NCAPD3: variants seen among roughly 807,000 people sequenced by gnomAD.
NCAPD3 encodes condensin-2 complex subunit D3.
In NCAPD3, 105 loss-of-function variants were observed where a neutral mutation model predicts 182.9. That is an observed-to-expected ratio of 0.57 (90% CI 0.49 to 0.68). The LOEUF (loss-of-function observed/expected upper bound fraction) is 0.68. NCAPD3 is among the 30% of genes least tolerant of loss of function. The pLI is 0.00. For synonymous variants in NCAPD3, 815 were observed against 679.9 expected, an observed-to-expected ratio of 1.20 and a Z score of -3.09; for missense variants, 1,944 against 1,837.0, an observed-to-expected ratio of 1.06 and a Z score of -1.07.
At chr11:134,166,941 G>A (rs1375375345) in intron 27 of NCAPD3, among the ~76,000 whole-genome samples, 1 of 122,474 alleles carries the variant, frequency 8.2e-6, no homozygotes, top group Non-Finnish European at 1.7e-5. Flanking sequence ...TAGGGGAGCT[G>A]CACACTCACT....
intron 32 of NCAPD3, among the ~76,000 whole-genome samples, chr11:134,155,659 C>T (rs1334491507): frequency 1.3e-5 from 2 of 152,154 alleles, no homozygotes; most frequent in Admixed American, 6.5e-5. Context: ...ATGAGCACAA[C>T]GAAAATGAGA....
chr11:134,220,749 G>A, intron 1 of NCAPD3, 23 bp from the exon 2 acceptor site: 2 of 1,596,306 alleles, frequency 1.3e-6, no homozygotes, highest in South Asian at 1.1e-5. Flanking sequence ...GCAATGAAAT[G>A]TGTAAGTACT....
upstream of NCAPD3, chr11:134,224,713 G>A (rs1372407429): frequency 6.6e-6 from 1 of 152,018 alleles, no homozygotes; most frequent in Non-Finnish European, 1.5e-5. Context: ...GCCGGAGGCT[G>A]GGCAGCTCGC....
chr11:134,192,965 T>A (rs1279364066), intron 15 of NCAPD3, 56 bp from the exon 16 acceptor site: 1 of 997,380 alleles, frequency 1.0e-6, no homozygotes, highest in Non-Finnish European at 1.6e-6. Context: ...AGGGAAGTTG[T>A]GATCAACATT....
intron 13 of NCAPD3, among the ~76,000 whole-genome samples, chr11:134,199,933 G>C (rs1240037553): frequency 6.6e-6 from 1 of 152,116 alleles, no homozygotes; most frequent in Non-Finnish European, 1.5e-5. Flanking sequence ...ACACAAATAA[G>C]CTCATGAGCT....
chr11:134,207,742 C>CAAA (rs34965902), intron 7 of NCAPD3, among the ~76,000 whole-genome samples: 72 of 62,034 alleles, frequency 1.2e-3, no homozygotes, highest in African/African-American at 1.9e-3. Flanking sequence ...GACTGCGTCT[C>CAAA]AAAAAAAAAA....
At chr11:134,208,561 A>G (rs981111036) in intron 7 of NCAPD3, among the ~76,000 whole-genome samples, 15 of 152,244 alleles carry the variant, frequency 9.9e-5, no homozygotes, top group African/African-American at 3.6e-4. Flanking sequence ...CTGTTCCTAT[A>G]GAAGTAACTG....
intron 22 of NCAPD3, chr11:134,178,401 C>A: frequency 2.8e-6 from 1 of 363,476 alleles, no homozygotes; most frequent in Non-Finnish European, 4.9e-6. Context: ...TCCCTCTAGA[C>A]CCTCTAGAGA....
In NCAPD3 at chr11:134,210,416, C is replaced by T. The variant is rs968838629; in HGVS notation, c.421G>A (p.Asp141Asn). The change falls in exon 4 of 35, where the codon GAC becomes AAC. Residue 141 changes from aspartate (D) to asparagine (N), a missense_variant. Transcript: ENST00000534548. ...TTCTTTAGAGTCTGAATGCATTTGTCAAACATCACTGGGTGGAATACTTGA... is the reference window on the plus strand; with the variant it reads ...TTCTTTAGAGTCTGAATGCATTTGTTAAACATCACTGGGTGGAATACTTGA... ...ANQVFHPVMF[D>N]KCIQTLKKSW... The T allele has an allele frequency of 6.2e-6, 10 of 1,614,020 alleles. No individual in the cohort carries two copies. The African/African-American group carries it at 1.3e-4, about 22-fold the overall frequency.
rs1286102479 is a variant in NCAPD3, at chr11:134,213,182, GTAA to G, written c.383-2731_383-2729del. ...CCTGTCTCTACAAAAATAAAATAAA[GTAA>G]TAATAATTAGCTTGTCATGGTGACT... On this transcript the variant is annotated intron_variant, in intron 3 of 34. Transcript: ENST00000534548. 5.9e-5 allele frequency among the ~76,000 whole-genome samples: 9 copies of G among 152,056 alleles called. No homozygotes were observed. In the East Asian group the frequency reaches 1.7e-3, roughly 29 times the overall value.
intron 17 of NCAPD3, 76 bp from the exon 18 acceptor site, chr11:134,185,076 TTAA>T (rs1384099719): frequency 1.6e-4 from 189 of 1,192,982 alleles, no homozygotes; most frequent in Non-Finnish European, 2.3e-4. Context: ...TTCTTCTGGA[TTAA>T]TAACACTGGA....
At chr11:134,165,050 CTT>C (rs1270465720) in intron 27 of NCAPD3, among the ~76,000 whole-genome samples, 1 of 145,834 alleles carries the variant, frequency 6.9e-6, no homozygotes, top group African/African-American at 2.6e-5. Flanking sequence ...GCTGCACACA[CTT>C]AGATTAGCTG....
chr11:134,195,047 T>C (rs1944598993), intron 13 of NCAPD3, among the ~76,000 whole-genome samples: 1 of 152,226 alleles, frequency 6.6e-6, no homozygotes, highest in Admixed American at 6.5e-5. Context: ...CATAGGATTA[T>C]TTTAAAGATT....
intron 27 of NCAPD3, among the ~76,000 whole-genome samples, chr11:134,163,918 C>T (rs949571163): frequency 1.3e-5 from 2 of 150,432 alleles, no homozygotes; most frequent in Non-Finnish European, 3.0e-5. Context: ...ACTGCTCTGG[C>T]AGCAAGGTGG....
rs776801853 is a variant in NCAPD3 at position 134,202,813 on chromosome 11, T to A, written c.1615+3A>T. The A allele has an allele frequency of 1.3e-6, 2 of 1,592,290 alleles. No homozygotes were observed. Among genetic ancestry groups the A allele is most frequent in the East Asian group, 4.5e-5 (2 of 44,716 alleles). ...TATCTGACAGTGATAAAATCTGACA[T>A]ACCTCCAGATCCAACTGTTTCACCA... On this transcript the variant is annotated splice_donor_region_variant and intron_variant, in intron 13 of 34. Coordinates refer to ENST00000534548, the MANE Select transcript of NCAPD3 (RefSeq NM_015261.3).
Position 134,203,181 on chromosome 11 carries a change from T to G in NCAPD3, c.1486A>C (p.Ile496Leu), listed in dbSNP as rs1944785009. 1.3e-6 allele frequency: 2 copies of G among 1,598,524 alleles called. No individual in the cohort carries two copies. Among genetic ancestry groups the G allele is most frequent in the African/African-American group, 2.7e-5 (2 of 74,506 alleles). ...LLINSPTFSV[I>L]ESHPGTLLRN... The stretch of plus-strand genomic sequence containing the variant: ...AGTAAGGTACCAGGGTGACTCTCTA[T>G]TACAGAAAACGTAGGACCTAAAAAC... The change falls in exon 12 of 35, where the codon ATA (isoleucine) becomes CTA (leucine). Residue 496 changes from isoleucine (I) to leucine (L), a missense_variant. Ile to Leu is a conservative substitution (Grantham distance 5). Around this residue, in one of 3 missense-constraint regions of NCAPD3, gnomAD observed 1,803 missense variants for 1,674.6 expected, o/e 1.08. Coordinates refer to ENST00000534548, the MANE Select transcript of NCAPD3 (RefSeq NM_015261.3).
chr11:134,161,753 A>G, intron 28 of NCAPD3, 28 bp downstream of exon 28: 1 of 1,344,436 alleles, frequency 7.4e-7, no homozygotes, highest in Non-Finnish European at 1.1e-6. Context: ...TAGGACAACA[A>G]CCACAAAAGC....
chr11:134,164,903 G>T (rs1943717560), intron 27 of NCAPD3, among the ~76,000 whole-genome samples: 1 of 151,586 alleles, frequency 6.6e-6, no homozygotes, highest in African/African-American at 2.4e-5. Context: ...CTTAGGGGGA[G>T]CTGCACACTC....
intron 3 of NCAPD3, among the ~76,000 whole-genome samples, chr11:134,213,877 A>G (rs1377066851): frequency 1.3e-5 from 2 of 152,198 alleles, no homozygotes; most frequent in African/African-American, 2.4e-5. Flanking sequence ...TCAGGAAGAC[A>G]TGACAATCAT....
Sources: allele counts gnomAD v4.1 joint callset (sites outside exome capture counted in the v4.1 genomes callset), GRCh38; gene constraint gnomAD v4.1.1; regional missense constraint gnomAD v4.1.1; transcripts MANE v1.5; gene names NCBI Gene and HGNC (gene_info 2026-07-23, HGNC 2026-07-21).